Variants in FRK observed in about 807,000 individuals in gnomAD.
FRK encodes the protein fyn related Src family tyrosine kinase, also known as tyrosine-protein kinase FRK.
Under a neutral mutation model 56.4 loss-of-function variants are expected in FRK, and 51 were observed. That is an observed-to-expected ratio of 0.90 (90% CI 0.72 to 1.14). The LOEUF is 1.14. Ranked by LOEUF, FRK falls within the 50% of genes most tolerant of loss-of-function variation. The probability of loss-of-function intolerance (pLI) is 0.00; values close to 1 mark genes in which losing one functional copy is unlikely to be tolerated. For missense variants in FRK, 570 were observed against 601.4 expected (o/e 0.95, Z 0.55); for synonymous variants, 245 against 217.9 (o/e 1.12, Z -1.10).
At chr6:116,084,291 C>G in the FRK span, among the ~76,000 whole-genome samples, 1 of 152,084 alleles carries the variant, frequency 6.6e-6, no homozygotes, top group Non-Finnish European at 1.5e-5. Flanking sequence ...CAAGTAACCC[C>G]AAAACTCGGT....
At position 116,042,097 on chromosome 6, in the gene FRK, C is replaced by A. The variant is rs193106257; in HGVS notation, c.344+17871G>T. On this transcript the variant is annotated intron_variant, in intron 1 of 7. Transcript: ENST00000606080. ...CCACCATTACTGAGGCTTGAGTAGGCGGTTTTTCCCTCACAGTGTAAACAA... is the reference window on the plus strand; with the variant it reads ...CCACCATTACTGAGGCTTGAGTAGGAGGTTTTTCCCTCACAGTGTAAACAA... Among the ~76,000 whole-genome samples, 423 of 152,262 alleles carry A rather than the reference C, an allele frequency of 2.8e-3. 2 individuals carry two copies. The highest frequency in any genetic ancestry group is 9.8e-3 in the African/African-American group (409 of 41,550).
At chr6:116,023,228 G>T (rs1582724723) in intron 1 of FRK, among the ~76,000 whole-genome samples, 2 of 152,226 alleles carry the variant, frequency 1.3e-5, no homozygotes, top group South Asian at 2.1e-4. Context: ...GAAATATTTG[G>T]CAATATCTTA....
At position 116,026,020 on chromosome 6, in the gene FRK, G is replaced by GA. The variant is rs1776075415; in HGVS notation, c.345-22023dup. 1.6e-4 allele frequency among the ~76,000 whole-genome samples: 25 copies of GA among 152,176 alleles called. No homozygotes were observed. The South Asian group carries it at 4.8e-3, about 29-fold the overall frequency. ...GCAAAGAGTAAAGTAGAATTGAATG[G>GA]AAAAAAATTCAGCACCTTAATATCT... On this transcript the variant is annotated intron_variant, in intron 1 of 7. Transcript: ENST00000606080.
Position 116,060,140 on chromosome 6 carries a change from C to G in FRK, c.172G>C (p.Ala58Pro). The G allele has an allele frequency of 6.2e-7, 1 of 1,614,194 alleles. No individual in the cohort carries two copies. The highest frequency in any genetic ancestry group is 8.5e-7 in the Non-Finnish European group (1 of 1,180,030). The change falls in exon 1 of 8, where the codon GCT becomes CCT. Residue 58 changes from alanine (A) to proline (P), a missense_variant. Coordinates refer to ENST00000606080, the MANE Select transcript of FRK (RefSeq NM_002031.3). ...VALFDYQARTAEDLSFRAGDK... is the reference protein window; with the variant it reads ...VALFDYQARTPEDLSFRAGDK... ...CCTGCTCGGAAGCTCAAGTCCTCAG[C>G]AGTCCGAGCCTGGTAATCAAACAAA...
At chr6:116,061,784 CT>C (rs3840534), upstream of FRK, among the ~76,000 whole-genome samples, 7,046 of 151,544 alleles carry the variant, frequency 0.046, 300 homozygotes, top group African/African-American at 0.11. Flanking sequence ...CTCTATAAGA[CT>C]TTTTTTTTAT....
upstream of FRK, among the ~76,000 whole-genome samples, chr6:116,063,365 C>G (rs1777685577): frequency 1.3e-5 from 2 of 152,030 alleles, 1 homozygote; most frequent in Middle Eastern, 6.3e-3. Context: ...ACATTAGAAA[C>G]CTATTCAGCC....
rs185561401 is a variant in FRK at position 116,012,774 on chromosome 6, G to C, written c.345-8776C>G. Among the ~76,000 whole-genome samples, 22 of 152,298 alleles carry C rather than the reference G, an allele frequency of 1.4e-4. 1 individual carries two copies. The East Asian group carries it at 3.1e-3, about 21-fold the overall frequency. The stretch of plus-strand genomic sequence containing the variant: ...CTTGCCACATAGCTTGCAGTATAAA[G>C]TGTTTATGGGAGAAGGCTTATCTGC... On this transcript the variant is annotated intron_variant, in intron 1 of 7. Coordinates refer to ENST00000606080, the MANE Select transcript of FRK (RefSeq NM_002031.3).
At chr6:116,083,863 G>A in the FRK span, among the ~76,000 whole-genome samples, 2 of 148,168 alleles carry the variant, frequency 1.3e-5, no homozygotes, top group Non-Finnish European at 3.0e-5. Flanking sequence ...GCCTCATTAT[G>A]TTGCCCAGGC....
intron 1 of FRK, among the ~76,000 whole-genome samples, chr6:116,054,353 T>C (rs191452794): frequency 2.2e-4 from 33 of 148,500 alleles, no homozygotes; most frequent in African/African-American, 7.8e-4. Flanking sequence ...TTTATCTTGA[T>C]TAATCCAAAA....
chr6:115,943,303 T>C (rs1451887313), intron 6 of FRK, 118 bp from the exon 7 acceptor site: 2 of 681,954 alleles, frequency 2.9e-6, no homozygotes, highest in Admixed American at 3.5e-5. Flanking sequence ...AAAATGAGCT[T>C]AGTTCAACTG....
At chr6:115,985,613 C>T (rs566803508) in intron 2 of FRK, among the ~76,000 whole-genome samples, 220 of 152,200 alleles carry the variant, frequency 1.4e-3, no homozygotes, top group African/African-American at 5.1e-3. Context: ...TACTCCATGA[C>T]GCAGTTACTT....
In FRK at chr6:115,936,723, A is replaced by G. The variant is rs922973022; in HGVS notation, c.*5691T>C. 4.6e-5 allele frequency: 7 copies of G among 152,262 alleles called. No individual in the cohort carries two copies. Among genetic ancestry groups the G allele is most frequent in the African/African-American group, 1.7e-4 (7 of 41,474 alleles). The allele number at this position is 152,262 out of a possible 1,614,324, so 9.4% of individuals were successfully genotyped here. On this transcript the variant is annotated 3_prime_UTR_variant, in exon 8 of 8. Transcript: ENST00000606080. Reference sequence around the variant, plus strand: ...AAGTCGATAAAGCACAAGAAAGGATATCAAAGATTGAAGATCAACTTAATG... The same window carrying G: ...AAGTCGATAAAGCACAAGAAAGGATGTCAAAGATTGAAGATCAACTTAATG...
the FRK span, among the ~76,000 whole-genome samples, chr6:116,081,235 A>C: frequency 6.6e-6 from 1 of 152,246 alleles, no homozygotes; most frequent in Non-Finnish European, 1.5e-5. Context: ...GTGGAGACAC[A>C]GCCAAACCAT....
intron 4 of FRK, among the ~76,000 whole-genome samples, chr6:115,960,493 T>A (rs1279694637): frequency 2.0e-5 from 3 of 149,888 alleles, no homozygotes; most frequent in African/African-American, 7.3e-5. Context: ...TGCCCAGGCT[T>A]GCTTAGGTAA....
chr6:116,060,855 C>G lies in FRK; in HGVS notation c.-544G>C, dbSNP rs1777602423. ...CTAATGAATAACCAACCAGCAGAGG[C>G]TGTTGCCTTTAACATTCTGAGCTAT... is the stretch of plus-strand genomic sequence containing the variant. On this transcript the variant is annotated 5_prime_UTR_variant, in exon 1 of 8. Transcript: ENST00000606080. 6.5e-6 allele frequency: 1 copy of G among 153,668 alleles called. No homozygotes were observed. Among genetic ancestry groups the G allele is most frequent in the Non-Finnish European group, 1.4e-5 (1 of 69,138 alleles). The allele number at this position is 153,668 out of a possible 1,614,324, so 9.5% of individuals were successfully genotyped here.
chr6:115,986,135 C>T (rs1229168804), intron 2 of FRK, among the ~76,000 whole-genome samples: 1 of 151,936 alleles, frequency 6.6e-6, no homozygotes, highest in Non-Finnish European at 1.5e-5. Context: ...ATGCAACATT[C>T]TTCTCCATCC....
At chr6:116,044,275 A>C (rs1776851473) in intron 1 of FRK, among the ~76,000 whole-genome samples, 1 of 152,228 alleles carries the variant, frequency 6.6e-6, no homozygotes, top group Non-Finnish European at 1.5e-5. Flanking sequence ...TGGCAGAGAC[A>C]CAATAAAAAA....
Position 115,968,577 on chromosome 6 carries a change from T to G in FRK, c.629A>C (p.Lys210Thr). ...LCVKLGKPCLKIQVPAPFDLS... is the reference protein window; with the variant it reads ...LCVKLGKPCLTIQVPAPFDLS... Reference sequence around the variant, plus strand: ...AACACAGCTTGAAAGCATTTTCACCTTTAAGCATGGTTTCCCCAGCTTGAC... The same window carrying G: ...AACACAGCTTGAAAGCATTTTCACCGTTAAGCATGGTTTCCCCAGCTTGAC... Residue 210 changes from lysine to threonine, a missense_variant and splice_region_variant, in exon 3 of 8, where the codon AAG becomes ACG. Lys to Thr is a moderately conservative substitution (Grantham distance 78, BLOSUM62 -1). Coordinates refer to ENST00000606080, the MANE Select transcript of FRK (RefSeq NM_002031.3). 6.2e-7 allele frequency: 1 copy of G among 1,610,278 alleles called. No individual in the cohort carries two copies.
chr6:115,975,093 C>T (rs768779877), intron 2 of FRK, among the ~76,000 whole-genome samples: 1 of 151,996 alleles, frequency 6.6e-6, no homozygotes, highest in Non-Finnish European at 1.5e-5. Context: ...GTAATTATGG[C>T]AATACTTTCG....
Sources: gnomAD v4.1 joint callset for allele counts (sites outside exome capture counted in the v4.1 genomes callset) on GRCh38, gnomAD v4.1.1 for gene constraint, MANE v1.5 for transcripts, NCBI Gene and HGNC (gene_info 2026-07-23, HGNC 2026-07-21) for gene names.